PROSER2: variants seen among roughly 807,000 people sequenced by gnomAD.
PROSER2 encodes proline and serine-rich protein 2.
Under a neutral mutation model 14.6 loss-of-function variants are expected in PROSER2, and 18 were observed. That is an observed-to-expected ratio of 1.23 (90% confidence interval 0.85 to 1.83). The LOEUF (loss-of-function observed/expected upper bound fraction) is 1.83. Among genes scored for constraint, PROSER2 ranks in the 40% most tolerant of loss-of-function variants. The probability of loss-of-function intolerance (pLI) is 0.00; values close to 1 mark genes in which losing one functional copy is unlikely to be tolerated. For missense variants in PROSER2, 823 were observed against 629.8 expected (o/e 1.31, Z -3.28); for synonymous variants, 367 against 286.4 (o/e 1.28, Z -2.84).
rs1834123680 is a variant in PROSER2, at chr10:11,856,428, G to A, written c.138+4213G>A. Reference sequence around the variant, plus strand: ...ACACATCCCGAAGCTTCCTCTAGAAGAAATAGGATTTGGCTGCTCGGAAAG... The same window carrying A: ...ACACATCCCGAAGCTTCCTCTAGAAAAAATAGGATTTGGCTGCTCGGAAAG... On this transcript the variant is annotated intron_variant, in intron 2 of 3. Transcript: ENST00000277570. The surrounding 1 kb of genome is among the most constrained non-coding windows in gnomAD (Gnocchi z 5.3). Among the ~76,000 whole-genome samples the A allele has an allele frequency of 6.6e-6, 1 of 152,212 alleles. No homozygotes were observed. The highest frequency in any genetic ancestry group is 1.9e-4 in the East Asian group (1 of 5,206).
Position 11,823,420 on chromosome 10 carries a change from G to C in PROSER2, c.-132G>C, listed in dbSNP as rs1301175838. On this transcript the variant is annotated 5_prime_UTR_variant, in exon 1 of 4. Transcript: ENST00000277570. The surrounding 1 kb of genome is among the most constrained non-coding windows in gnomAD (Gnocchi z 6.2). Reference sequence around the variant, plus strand: ...GACGGGCGGCGGCGTGAGGGCTCCGGGTCGCTGGCGGCGTGGACACCTGAG... The same window carrying C: ...GACGGGCGGCGGCGTGAGGGCTCCGCGTCGCTGGCGGCGTGGACACCTGAG... The C allele has an allele frequency of 6.5e-6, 1 of 154,304 alleles. No homozygotes were observed. The highest frequency in any genetic ancestry group is 6.5e-5 in the Admixed American group (1 of 15,276). 9.6% of individuals were successfully genotyped at this position (154,304 alleles called of 1,614,324 possible). A position where few individuals can be genotyped will look rare whatever the true frequency, so the allele number is the denominator to read the frequency against.
At chr10:11,864,901 T>G (rs1328237090) in intron 2 of PROSER2, among the ~76,000 whole-genome samples, 1 of 152,186 alleles carries the variant, frequency 6.6e-6, no homozygotes, top group African/African-American at 2.4e-5. Flanking sequence ...TGATTTCTGA[T>G]CTTTTGTATG....
In PROSER2 at chr10:11,870,118, G is replaced by C; in HGVS notation, c.1020G>C (p.Ala340=). 2.2e-6 allele frequency: 3 copies of C among 1,357,982 alleles called. No individual in the cohort carries two copies. Among genetic ancestry groups the C allele is most frequent in the South Asian group, 1.7e-5 (1 of 58,874 alleles). The allele number at this position is 1,357,982 out of a possible 1,614,324, so 84.1% of individuals were successfully genotyped here. The stretch of plus-strand genomic sequence containing the variant: ...GGGGTCAGGCTCCGCGGGGCCCGGC[G>C]CTGGCCAACGGCTTCCCAAGTGCGC... ...RAGGQAPRGP[A]LANGFPSAHE... is the part of the protein sequence containing the mutation. Residue 340 remains alanine, a synonymous_variant, in exon 4 of 4, where the codon GCG becomes GCC. Transcript: ENST00000277570.
rs1445733780 is a variant in PROSER2, at chr10:11,837,038, C to G, written c.-82+13568C>G. Among the ~76,000 whole-genome samples the G allele has an allele frequency of 1.3e-5, 2 of 152,184 alleles. No individual in the cohort carries two copies. The highest frequency in any genetic ancestry group is 2.9e-5 in the Non-Finnish European group (2 of 68,026). Reference sequence around the variant, plus strand: ...CACCTGCCCATCACTTAGTAGCCAACTCAGTTCTCAGATCAGCTGTCTATG... The same window carrying G: ...CACCTGCCCATCACTTAGTAGCCAAGTCAGTTCTCAGATCAGCTGTCTATG... On this transcript the variant is annotated intron_variant, in intron 1 of 3. Transcript: ENST00000277570. This position sits in a 1 kb window ranked among gnomAD's most constrained non-coding sequence, Gnocchi z 4.6.
intron 1 of PROSER2, among the ~76,000 whole-genome samples, chr10:11,835,977 T>A (rs1161246373): frequency 1.3e-5 from 2 of 152,102 alleles, no homozygotes; most frequent in Non-Finnish European, 2.9e-5. Context: ...AAAACACAGC[T>A]TTTTGAAAAG....
At chr10:11,852,242 T>C in intron 2 of PROSER2, 27 bp downstream of exon 2, 1 of 1,587,042 alleles carries the variant, frequency 6.3e-7, no homozygotes. Context: ...CTTTCATGCT[T>C]TCCTGTGCCT....
At chr10:11,864,448 G>A (rs1341924987) in intron 2 of PROSER2, among the ~76,000 whole-genome samples, 2 of 151,964 alleles carry the variant, frequency 1.3e-5, no homozygotes, top group African/African-American at 2.4e-5. Flanking sequence ...CACAACACAC[G>A]CACACTTTAT....
Position 11,870,428 on chromosome 10 carries a change from A to G in PROSER2, c.*22A>G, listed in dbSNP as rs2131101667. ...GTGAGGGCCGCGCGGGCTCCAGTCCACCCCGTTTCTCCCCACCCTGAAGAG... is the reference window on the plus strand; with the variant it reads ...GTGAGGGCCGCGCGGGCTCCAGTCCGCCCCGTTTCTCCCCACCCTGAAGAG... On this transcript the variant is annotated 3_prime_UTR_variant, in exon 4 of 4. Transcript: ENST00000277570. 6.9e-7 allele frequency: 1 copy of G among 1,450,948 alleles called. No homozygotes were observed. Among genetic ancestry groups the G allele is most frequent in the Non-Finnish European group, 9.1e-7 (1 of 1,104,140 alleles). 89.9% of individuals were successfully genotyped at this position (1,450,948 alleles called of 1,614,324 possible). A position where few individuals can be genotyped will look rare whatever the true frequency, so the allele number is the denominator to read the frequency against.
chr10:11,857,547 C>G (rs368258835), intron 2 of PROSER2, among the ~76,000 whole-genome samples: 2 of 152,024 alleles, frequency 1.3e-5, no homozygotes, highest in Admixed American at 6.6e-5. Flanking sequence ...GATTTGGAGA[C>G]CAGCCTGGCC....
At chr10:11,858,315 G>C (rs1258845725) in intron 2 of PROSER2, among the ~76,000 whole-genome samples, 2 of 152,180 alleles carry the variant, frequency 1.3e-5, no homozygotes, top group African/African-American at 4.8e-5. Flanking sequence ...CCAAAGATTT[G>C]ATTCTACCGT....
At chr10:11,829,222 G>A (rs539182703) in intron 1 of PROSER2, among the ~76,000 whole-genome samples, 2 of 151,940 alleles carry the variant, frequency 1.3e-5, no homozygotes, top group South Asian at 4.2e-4. Context: ...AAGATGGTAT[G>A]AACAAGGGGA....
At chr10:11,846,031 G>A (rs1833919570) in intron 1 of PROSER2, among the ~76,000 whole-genome samples, 1 of 152,140 alleles carries the variant, frequency 6.6e-6, no homozygotes, top group Admixed American at 6.5e-5. Flanking sequence ...CTGTTGCCCA[G>A]GCTGGAGTGC....
intron 2 of PROSER2, among the ~76,000 whole-genome samples, chr10:11,864,068 G>A (rs1834297327): frequency 6.6e-6 from 1 of 152,156 alleles, no homozygotes; most frequent in Non-Finnish European, 1.5e-5. Context: ...AGGAACAGCT[G>A]CCCTTCCTGA....
In PROSER2 at chr10:11,830,636, C is replaced by T. The variant is rs1833677680; in HGVS notation, c.-82+7166C>T. Reference sequence around the variant, plus strand: ...CATAGTCGACTCTACCCTTGAGCTACTTAAAGGTGTCCTGATTTCTCTGAG... The same window carrying T: ...CATAGTCGACTCTACCCTTGAGCTATTTAAAGGTGTCCTGATTTCTCTGAG... On this transcript the variant is annotated intron_variant, in intron 1 of 3. Transcript: ENST00000277570. The surrounding 1 kb of genome is among the most constrained non-coding windows in gnomAD (Gnocchi z 4.5). 6.6e-6 allele frequency among the ~76,000 whole-genome samples: 1 copy of T among 152,162 alleles called. No individual in the cohort carries two copies. Among genetic ancestry groups the T allele is most frequent in the Non-Finnish European group, 1.5e-5 (1 of 68,046 alleles).
At chr10:11,853,273 A>G (rs149893890) in intron 2 of PROSER2, among the ~76,000 whole-genome samples, 1 of 152,174 alleles carries the variant, frequency 6.6e-6, no homozygotes, top group Non-Finnish European at 1.5e-5. Flanking sequence ...TTTTAAAACC[A>G]TTATGGTAAT....
rs750563248 is a variant in PROSER2 at position 11,830,974 on chromosome 10, G to T, written c.-82+7504G>T. On this transcript the variant is annotated intron_variant, in intron 1 of 3. Transcript: ENST00000277570. The surrounding 1 kb of genome is among the most constrained non-coding windows in gnomAD (Gnocchi z 4.5). The stretch of plus-strand genomic sequence containing the variant: ...ACTGACATCATCCATCATCTGGCTC[G>T]CAAAGGGACTGGTGGAAGATGAGGT... Among the ~76,000 whole-genome samples, 2 of 152,178 alleles carry T rather than the reference G, an allele frequency of 1.3e-5. No individual in the cohort carries two copies. Among genetic ancestry groups the T allele is most frequent in the African/African-American group, 4.8e-5 (2 of 41,434 alleles).
intron 2 of PROSER2, among the ~76,000 whole-genome samples, chr10:11,853,157 C>G (rs117140890): frequency 6.6e-6 from 1 of 152,180 alleles, no homozygotes; most frequent in Non-Finnish European, 1.5e-5. Flanking sequence ...CTCAGATACA[C>G]TGAGCCATAA....
At position 11,842,034 on chromosome 10, in the gene PROSER2, G is replaced by A. The variant is rs567077978; in HGVS notation, c.-81-9963G>A. Among the ~76,000 whole-genome samples, 14 of 152,204 alleles carry A rather than the reference G, an allele frequency of 9.2e-5. No individual in the cohort carries two copies. In the South Asian group the frequency reaches 2.7e-3, roughly 29 times the overall value. On this transcript the variant is annotated intron_variant, in intron 1 of 3. Transcript: ENST00000277570. ...GCTCAGGAGTTTGAGACCAGCCTGG[G>A]CAACATGTGGAACCCCATCTCTACT...
Position 11,869,614 on chromosome 10 carries a change from G to C in PROSER2, c.516G>C (p.Arg172Ser), listed in dbSNP as rs746660730. Residue 172 changes from arginine (R) to serine (S), a missense_variant, in exon 4 of 4, where the codon AGG (arginine) becomes AGC (serine). Transcript: ENST00000277570. The surrounding 1 kb of genome is among the most constrained non-coding windows in gnomAD (Gnocchi z 4.4). ...PPLPSTPDPP[R>S]RELRAPSPPV... ...TGCCTAGCACCCCCGATCCCCCCAG[G>C]AGGGAGCTGCGCGCCCCCTCCCCGC... The C allele has an allele frequency of 6.2e-7, 1 of 1,605,034 alleles. No homozygotes were observed. Among genetic ancestry groups the C allele is most frequent in the Non-Finnish European group, 8.5e-7 (1 of 1,174,716 alleles).
Sources: gnomAD v4.1 joint callset for allele counts (sites outside exome capture counted in the v4.1 genomes callset) on GRCh38, gnomAD v4.1.1 for gene constraint, Gnocchi (gnomAD v3.1) non-coding constraint, MANE v1.5 for transcripts, NCBI Gene and HGNC (gene_info 2026-07-23, HGNC 2026-07-21) for gene names.